Variants in SORCS1 observed in about 807,000 individuals in gnomAD.
SORCS1 encodes the protein VPS10 domain-containing receptor SorCS1.
A neutral mutation model predicts 146.1 loss-of-function variants in SORCS1; 60 were observed. The observed-to-expected ratio is 0.41, with a 90% confidence interval of 0.33 to 0.51. SORCS1 has a LOEUF of 0.51. Among genes scored for constraint, SORCS1 ranks in the 20% least tolerant of loss-of-function variants. The pLI, the probability that SORCS1 is intolerant of heterozygous loss-of-function variation, is 0.21. For synonymous variants in SORCS1, 637 were observed against 584.0 expected (o/e 1.09, Z -1.31); for missense variants, 1,352 against 1,487.6 (o/e 0.91, Z 1.50).
intron 24 of SORCS1, among the ~76,000 whole-genome samples, chr10:106,579,868 A>C (rs1844799711): frequency 6.6e-6 from 1 of 152,176 alleles, no homozygotes; most frequent in Admixed American, 6.5e-5. Context: ...CATTGAGAAA[A>C]GTGCCAGGCA....
At position 106,830,163 on chromosome 10, in the gene SORCS1, T is replaced by C. The variant is rs536379429; in HGVS notation, c.627-490A>G. Among the ~76,000 whole-genome samples the C allele has an allele frequency of 2.0e-5, 3 of 152,274 alleles. No individual in the cohort carries two copies. The East Asian group carries it at 5.8e-4, about 29-fold the overall frequency. On this transcript the variant is annotated intron_variant, in intron 2 of 25. Transcript: ENST00000263054. ...TTCTTATTATTTAAGAGCAAGAAAATGTCTCAATAATCAGTGAGATTTCAT... is the reference window on the plus strand; with the variant it reads ...TTCTTATTATTTAAGAGCAAGAAAACGTCTCAATAATCAGTGAGATTTCAT...
At chr10:107,019,791 T>C (rs961278588) in intron 1 of SORCS1, among the ~76,000 whole-genome samples, 2 of 152,258 alleles carry the variant, frequency 1.3e-5, no homozygotes, top group East Asian at 1.9e-4. Context: ...ACTGAGCCCA[T>C]TGGGGCATGA....
intron 2 of SORCS1, among the ~76,000 whole-genome samples, chr10:106,851,112 C>T (rs1185549046): frequency 1.3e-5 from 2 of 152,330 alleles, no homozygotes; most frequent in East Asian, 1.9e-4. Context: ...GACAGGCCTT[C>T]ATCAGATAGG....
intron 2 of SORCS1, among the ~76,000 whole-genome samples, chr10:106,914,828 G>C (rs774692142): frequency 3.9e-5 from 6 of 152,124 alleles, no homozygotes; most frequent in Non-Finnish European, 8.8e-5. Context: ...TCTCATGCTG[G>C]CAAATCTGAT....
At chr10:106,657,002 T>C in intron 17 of SORCS1, among the ~76,000 whole-genome samples, 1 of 152,198 alleles carries the variant, frequency 6.6e-6, no homozygotes, top group East Asian at 1.9e-4. Context: ...GGTAGGAATG[T>C]AGATTAGTAC....
At chr10:106,766,627 A>G (rs561486795) in intron 4 of SORCS1, among the ~76,000 whole-genome samples, 13 of 152,322 alleles carry the variant, frequency 8.5e-5, no homozygotes, top group African/African-American at 2.9e-4. Context: ...CTAAGAGCTG[A>G]CACAAGTCTT....
chr10:106,644,452 C>T (rs967578512), intron 18 of SORCS1, among the ~76,000 whole-genome samples: 5 of 152,080 alleles, frequency 3.3e-5, no homozygotes, highest in East Asian at 1.9e-4. Flanking sequence ...CTGCAACCTC[C>T]GCCTCCCAGG....
intron 1 of SORCS1, among the ~76,000 whole-genome samples, chr10:107,023,418 C>T (rs563428215): frequency 2.6e-5 from 4 of 152,306 alleles, no homozygotes; most frequent in Admixed American, 1.3e-4. Context: ...CATTTTAGCA[C>T]TGCAGAATTT....
chr10:106,975,418 G>C (rs1033307435), intron 1 of SORCS1, among the ~76,000 whole-genome samples: 2 of 152,064 alleles, frequency 1.3e-5, no homozygotes, highest in South Asian at 2.1e-4. Context: ...GCATTTTATC[G>C]GGCTCAGAGA....
In SORCS1 at chr10:107,164,011, T is replaced by C. The variant is rs2134959205; in HGVS notation, c.516A>G (p.Ala172=). 1.2e-6 allele frequency: 2 copies of C among 1,614,104 alleles called. No homozygotes were observed. The highest frequency in any genetic ancestry group is 2.2e-5 in the South Asian group (2 of 91,072). ...STTFALTGDS[A]HNQAMVHWSG... Reference sequence around the variant, plus strand: ...ACCAGTGGACCATGGCTTGGTTGTGTGCTGAGTCTCCCGTCAGCGCAAACG... The same window carrying C: ...ACCAGTGGACCATGGCTTGGTTGTGCGCTGAGTCTCCCGTCAGCGCAAACG... The change falls in exon 1 of 26, where the codon GCA becomes GCG. Residue 172 remains alanine (A), a synonymous_variant. Coordinates refer to ENST00000263054, the MANE Select transcript of SORCS1 (RefSeq NM_052918.5). The surrounding 1 kb of genome is among the most constrained non-coding windows in gnomAD (Gnocchi z 6.8).
intron 2 of SORCS1, among the ~76,000 whole-genome samples, chr10:106,952,461 C>T (rs942973529): frequency 6.6e-5 from 10 of 151,780 alleles, no homozygotes; most frequent in African/African-American, 2.2e-4. Flanking sequence ...ATTAACATAC[C>T]TATGGAGGTT....
chr10:106,986,511 C>CGTGTGTGT (rs58888609), intron 1 of SORCS1, among the ~76,000 whole-genome samples: 75 of 148,424 alleles, frequency 5.1e-4, no homozygotes, highest in East Asian at 1.2e-3. Flanking sequence ...TATATACAAC[C>CGTGTGTGT]GTGTGTGTGT....
In SORCS1 at chr10:106,992,492, C is replaced by T. The variant is rs552463967; in HGVS notation, c.559-35912G>A. On this transcript the variant is annotated intron_variant, in intron 1 of 25. Coordinates refer to ENST00000263054, the MANE Select transcript of SORCS1 (RefSeq NM_052918.5). ...AGTCCACTCTAAAATCCAACTAATT[C>T]TTTTTCTTTTCTTTTAGGAGATGGA... Among the ~76,000 whole-genome samples the T allele has an allele frequency of 4.6e-5, 7 of 152,162 alleles. No homozygotes were observed. The South Asian group carries it at 1.5e-3, about 32-fold the overall frequency.
intron 6 of SORCS1, among the ~76,000 whole-genome samples, chr10:106,716,128 T>C (rs1855354566): frequency 6.6e-6 from 1 of 152,160 alleles, no homozygotes; most frequent in Admixed American, 6.6e-5. Flanking sequence ...CATGAAAAAA[T>C]ATTCTCCTTA....
rs369890936 is a variant in SORCS1, at chr10:107,017,585, C to T, written c.559-61005G>A. 4.6e-5 allele frequency among the ~76,000 whole-genome samples: 7 copies of T among 152,330 alleles called. No homozygotes were observed. The South Asian group carries it at 1.2e-3, about 27-fold the overall frequency. On this transcript the variant is annotated intron_variant, in intron 1 of 25. Transcript: ENST00000263054. ...AGGAAACAACAAAAGCAGGAACTCACTCTCTGATCTTCTATTGCCTTCTTC... is the reference window on the plus strand; with the variant it reads ...AGGAAACAACAAAAGCAGGAACTCATTCTCTGATCTTCTATTGCCTTCTTC...
chr10:106,874,415 G>A (rs1295104028), intron 2 of SORCS1, among the ~76,000 whole-genome samples: 22 of 152,146 alleles, frequency 1.4e-4, no homozygotes, highest in Admixed American at 1.4e-3. Context: ...GAAACCAAGT[G>A]AACTAAGGAC....
chr10:106,760,166 C>A (rs984267295), intron 5 of SORCS1, among the ~76,000 whole-genome samples: 3 of 151,982 alleles, frequency 2.0e-5, no homozygotes, highest in African/African-American at 7.2e-5. Flanking sequence ...AGGAAGAGGC[C>A]GGGCGTGATG....
chr10:106,629,115 C>T, intron 19 of SORCS1, 87 bp downstream of exon 19: 2 of 1,208,840 alleles, frequency 1.7e-6, no homozygotes, highest in East Asian at 2.5e-5. Context: ...AACTAGTGTA[C>T]TTCTTCTAGA....
chr10:107,044,553 G>A (rs56828498), intron 1 of SORCS1, among the ~76,000 whole-genome samples: 1,920 of 141,324 alleles, frequency 0.014, 20 homozygotes, highest in South Asian at 0.03. Flanking sequence ...GCAGGGCACC[G>A]TGGCTCACAC....
Sources: gnomAD v4.1 joint callset for allele counts (sites outside exome capture counted in the v4.1 genomes callset) on GRCh38, gnomAD v4.1.1 for gene constraint, Gnocchi (gnomAD v3.1) non-coding constraint, MANE v1.5 for transcripts, NCBI Gene and HGNC (gene_info 2026-07-23, HGNC 2026-07-21) for gene names.